The following SLC5A9 variants were observed in gnomAD, a reference collection of about 807,000 sequenced individuals.
SLC5A9 encodes sodium/glucose cotransporter 4.
In SLC5A9, 59 loss-of-function variants were observed where a neutral mutation model predicts 70.9. The ratio of observed to expected loss-of-function variants is 0.83; its 90% confidence interval spans 0.68 to 1.03. SLC5A9 has a LOEUF of 1.03. Ranked by LOEUF, SLC5A9 falls within the 50% of genes least tolerant of loss-of-function variation. The pLI is 0.00. For missense variants in SLC5A9, 832 were observed against 881.1 expected, an observed-to-expected ratio of 0.94 and a Z score of 0.71; for synonymous variants, 340 against 346.5, an observed-to-expected ratio of 0.98 and a Z score of 0.21.
intron 9 of SLC5A9, among the ~76,000 whole-genome samples, chr1:48,235,268 C>T (rs748965796): frequency 3.3e-5 from 5 of 152,202 alleles, no homozygotes; most frequent in African/African-American, 7.2e-5. Context: ...AGCCCAACAC[C>T]ACCATGTCAA....
intron 4 of SLC5A9, 63 bp from the exon 5 acceptor site, chr1:48,230,537 T>G (rs1448610038): frequency 1.8e-6 from 2 of 1,085,426 alleles, no homozygotes; most frequent in Admixed American, 1.7e-5. Context: ...GCAGGTGATG[T>G]GTCCATACAA....
intron 12 of SLC5A9, among the ~76,000 whole-genome samples, chr1:48,241,746 C>T (rs373574706): frequency 3.8e-4 from 58 of 152,192 alleles, no homozygotes; most frequent in African/African-American, 1.3e-3. Context: ...CTCTTTCTCT[C>T]TATCTCTATC....
At position 48,231,776 on chromosome 1, in the gene SLC5A9, G is replaced by A. The variant is rs910067442; in HGVS notation, c.691+151G>A. Reference sequence around the variant, plus strand: ...CAGGCTGCAGCTCCCAAAGAGCAGGGTTCTCGCTACTTCAAACCAAGGGTC... The same window carrying A: ...CAGGCTGCAGCTCCCAAAGAGCAGGATTCTCGCTACTTCAAACCAAGGGTC... On this transcript the variant is annotated intron_variant, in intron 6 of 13. Transcript: ENST00000438567. 43 of 1,504,450 alleles carry A rather than the reference G, an allele frequency of 2.9e-5. No individual in the cohort carries two copies. In the East Asian group the frequency reaches 9.1e-4, roughly 32 times the overall value. 93.2% of individuals were successfully genotyped at this position (1,504,450 alleles called of 1,614,324 possible).
Position 48,229,421 on chromosome 1 carries a change from G to T in SLC5A9, c.466G>T (p.Val156Phe). The T allele has an allele frequency of 1.9e-6, 3 of 1,614,140 alleles. No individual in the cohort carries two copies. The South Asian group carries it at 3.3e-5, about 18-fold the overall frequency. ...GGQRIQVYMS[V>F]LSLILYIFTK... Reference sequence around the variant, plus strand: ...CCAGAGGATCCAGGTGTACATGTCTGTCCTGTCTCTCATCCTCTACATCTT... The same window carrying T: ...CCAGAGGATCCAGGTGTACATGTCTTTCCTGTCTCTCATCCTCTACATCTT... The change falls in exon 4 of 14, where the codon GTC becomes TTC. Residue 156 changes from valine (V) to phenylalanine (F), a missense_variant. By Grantham distance (50) the Val-to-Phe change is conservative (BLOSUM62 -1). Coordinates refer to ENST00000438567, the MANE Select transcript of SLC5A9 (RefSeq NM_001011547.3).
intron 1 of SLC5A9, among the ~76,000 whole-genome samples, chr1:48,223,874 T>C (rs1644105908): frequency 6.6e-6 from 1 of 152,192 alleles, no homozygotes. Context: ...TTGCTTCCAA[T>C]GTTGGGCCTC....
chr1:48,247,670 C>A lies in SLC5A9; in HGVS notation c.*127C>A. 1.1e-6 allele frequency: 1 copy of A among 885,980 alleles called. No homozygotes were observed. The highest frequency in any genetic ancestry group is 1.5e-5 in the South Asian group (1 of 64,736). The allele number at this position is 885,980 out of a possible 1,614,324, so 54.9% of individuals were successfully genotyped here. ...ACAGAAGTCAAGACTGCAAGCTCCC[C>A]TGAAGAGAATCCAACTCAACCTGCA... is the stretch of plus-strand genomic sequence containing the variant. On this transcript the variant is annotated 3_prime_UTR_variant, in exon 14 of 14. Coordinates refer to ENST00000438567, the MANE Select transcript of SLC5A9 (RefSeq NM_001011547.3).
intron 13 of SLC5A9, among the ~76,000 whole-genome samples, chr1:48,246,160 T>C (rs1217500039): frequency 6.6e-6 from 1 of 152,150 alleles, no homozygotes; most frequent in Non-Finnish European, 1.5e-5. Flanking sequence ...CTGTGCATCC[T>C]CTGTCTCAGA....
chr1:48,222,996 G>A (rs879696248), intron 1 of SLC5A9, 98 bp downstream of exon 1: 1 of 1,285,700 alleles, frequency 7.8e-7, no homozygotes, highest in Non-Finnish European at 1.1e-6. Context: ...GCAGAAAGAA[G>A]CAGATCATAG....
intron 13 of SLC5A9, among the ~76,000 whole-genome samples, chr1:48,246,761 C>G (rs1486577296): frequency 6.6e-6 from 1 of 152,160 alleles, no homozygotes; most frequent in African/African-American, 2.4e-5. Context: ...GTCAGAACAA[C>G]CTGGAGAAGA....
At position 48,222,729 on chromosome 1, in the gene SLC5A9, A is replaced by G; in HGVS notation, c.-8A>G. ...AAAGTCCAGCCTGCTGTTGACCAAC[A>G]CTAACAGATGAGCAAGGAGCTGGCA... On this transcript the variant is annotated 5_prime_UTR_variant, in exon 1 of 14. Coordinates refer to ENST00000438567, the MANE Select transcript of SLC5A9 (RefSeq NM_001011547.3). The G allele has an allele frequency of 6.2e-7, 1 of 1,614,124 alleles. No individual in the cohort carries two copies. The highest frequency in any genetic ancestry group is 8.5e-7 in the Non-Finnish European group (1 of 1,180,004).
In SLC5A9 at chr1:48,232,410, C is replaced by T. The variant is rs553288423; in HGVS notation, c.941C>T (p.Ala314Val). 31 of 1,614,146 alleles carry T rather than the reference C, an allele frequency of 1.9e-5. No individual in the cohort carries two copies. The South Asian group carries it at 3.1e-4, about 16-fold the overall frequency. The change falls in exon 8 of 14, where the codon GCC (alanine) becomes GTC (valine). Residue 314 changes from alanine to valine, a missense_variant. Ala to Val is a moderately conservative substitution (Grantham distance 64). Transcript: ENST00000438567. ...RSLSAKSLSH[A>V]KGGSVLGGYL... ...CTCTCGGCCAAGAGTCTGTCTCATGCCAAGGGAGGCTCCGTGCTGGGGGGC... is the reference window on the plus strand; with the variant it reads ...CTCTCGGCCAAGAGTCTGTCTCATGTCAAGGGAGGCTCCGTGCTGGGGGGC...
At position 48,239,817 on chromosome 1, in the gene SLC5A9, C is replaced by T. The variant is rs537738276; in HGVS notation, c.1677+280C>T. 9.9e-5 allele frequency among the ~76,000 whole-genome samples: 15 copies of T among 152,284 alleles called. No individual in the cohort carries two copies. The highest frequency in any genetic ancestry group is 5.8e-4 in the East Asian group (3 of 5,164). ...GAGACTATCCTCAGGGAGAAACAGA[C>T]GCTGACACAAGCTATCACTATACAA... is the stretch of plus-strand genomic sequence containing the variant. On this transcript the variant is annotated intron_variant, in intron 12 of 13. Coordinates refer to ENST00000438567, the MANE Select transcript of SLC5A9 (RefSeq NM_001011547.3). This position sits in a 1 kb window ranked among gnomAD's most constrained non-coding sequence, Gnocchi z 4.2.
intron 10 of SLC5A9, 115 bp downstream of exon 10, chr1:48,235,994 G>A: frequency 1.7e-6 from 2 of 1,205,836 alleles, no homozygotes; most frequent in Non-Finnish European, 1.2e-6. Flanking sequence ...CAGAGCACCG[G>A]GTTCAAGCTC....
chr1:48,244,858 GTGTGTATGTA>G (rs1374813954), intron 13 of SLC5A9, among the ~76,000 whole-genome samples: 10 of 21,208 alleles, frequency 4.7e-4, no homozygotes, highest in African/African-American at 1.7e-3. Context: ...AAACCTGTGT[GTGTGTATGTA>G]TGTGTATGTG....
chr1:48,244,864 ATGTATGTGTATGTG>A (rs1341810704), intron 13 of SLC5A9, among the ~76,000 whole-genome samples: 1 of 26,036 alleles, frequency 3.8e-5, no homozygotes, highest in Non-Finnish European at 7.8e-5. Context: ...GTGTGTGTGT[ATGTATGTGTATGTG>A]TATATATATA....
chr1:48,231,790 A>G (rs921948183), intron 6 of SLC5A9, 156 bp from the exon 7 acceptor site: 2 of 1,505,390 alleles, frequency 1.3e-6, no homozygotes, highest in Non-Finnish European at 1.8e-6. Flanking sequence ...TCGCTACTTC[A>G]AACCAAGGGT....
intron 13 of SLC5A9, among the ~76,000 whole-genome samples, chr1:48,244,874 A>T: frequency 4.1e-5 from 1 of 24,372 alleles, no homozygotes; most frequent in South Asian, 1.1e-3. Flanking sequence ...ATGTATGTGT[A>T]TGTGTATATA....
intron 13 of SLC5A9, among the ~76,000 whole-genome samples, chr1:48,243,551 T>C (rs1644416298): frequency 6.6e-6 from 1 of 152,196 alleles, no homozygotes; most frequent in East Asian, 1.9e-4. Flanking sequence ...CAAAACATTC[T>C]GATTATAGAG....
intron 13 of SLC5A9, among the ~76,000 whole-genome samples, chr1:48,244,862 G>GTATATA (rs1244178813): frequency 4.8e-4 from 7 of 14,440 alleles, no homozygotes; most frequent in Non-Finnish European, 7.9e-4. Flanking sequence ...CTGTGTGTGT[G>GTATATA]TATGTATGTG....
Sources: allele counts gnomAD v4.1 joint callset (sites outside exome capture counted in the v4.1 genomes callset), GRCh38; gene constraint gnomAD v4.1.1; non-coding constraint Gnocchi (gnomAD v3.1); transcripts MANE v1.5; gene names NCBI Gene and HGNC (gene_info 2026-07-23, HGNC 2026-07-21).